Variants in DOP1A observed in about 807,000 individuals in gnomAD.
DOP1A encodes the protein DOP1 leucine zipper like protein A.
In DOP1A, 90 loss-of-function variants were observed where a neutral mutation model predicts 267.6. The ratio of observed to expected loss-of-function variants is 0.34; its 90% CI spans 0.28 to 0.40. The LOEUF (loss-of-function observed/expected upper bound fraction) is 0.40. Ranked by LOEUF, DOP1A falls within the 10% of genes least tolerant of loss-of-function variation. DOP1A has a pLI of 1.00. For missense variants in DOP1A, 2,437 were observed against 2,900.4 expected (o/e 0.84, Z 3.67); for synonymous variants, 932 against 999.1 (o/e 0.93, Z 1.27).
chr6:83,159,562 A>C (rs1274808474), intron 36 of DOP1A, among the ~76,000 whole-genome samples: 3 of 152,062 alleles, frequency 2.0e-5, no homozygotes, highest in Non-Finnish European at 4.4e-5. Context: ...AAATGCTGGG[A>C]TTACAGGCAG....
chr6:83,151,599 G>T lies in DOP1A; in HGVS notation c.5844G>T (p.Leu1948=). ...TTCTCTTTGGCCCTTTTAGGGTTCT[G>T]AATGAGTTTATTATGAAAAACCCTA... ...APGQFLILGV[L]NEFIMKNPSL... Residue 1948 remains leucine, a synonymous_variant, in exon 28 of 39, where the codon CTG becomes CTT. Coordinates refer to ENST00000349129, the MANE Select transcript of DOP1A (RefSeq NM_015018.4). 4 of 1,604,046 alleles carry T rather than the reference G, an allele frequency of 2.5e-6. No individual in the cohort carries two copies. Among genetic ancestry groups the T allele is most frequent in the Non-Finnish European group, 3.4e-6 (4 of 1,177,000 alleles).
intron 10 of DOP1A, 97 bp downstream of exon 10, chr6:83,120,888 G>A (rs939775025): frequency 4.4e-5 from 41 of 926,500 alleles, no homozygotes; most frequent in Non-Finnish European, 5.3e-5. Flanking sequence ...ATATTTTGAG[G>A]TGGCCTTTAA....
Position 83,113,433 on chromosome 6 carries a change from A to G in DOP1A, c.780+12A>G. On this transcript the variant is annotated intron_variant, in intron 7 of 38. Transcript: ENST00000349129. ...TCCACATGAGTCAGGTAAAATATTA[A>G]CGCCGATGTTATTATAAGGCATTCT... The G allele has an allele frequency of 1.2e-6, 2 of 1,604,464 alleles. No individual in the cohort carries two copies. Among genetic ancestry groups the G allele is most frequent in the African/African-American group, 2.7e-5 (2 of 74,878 alleles).
chr6:83,143,146 A>G (rs1045705348), intron 24 of DOP1A, among the ~76,000 whole-genome samples: 7 of 152,166 alleles, frequency 4.6e-5, no homozygotes, highest in African/African-American at 1.7e-4. Flanking sequence ...AGCCAGGCAC[A>G]GTGGCTCATA....
chr6:83,157,111 G>T, intron 34 of DOP1A, 71 bp from the exon 35 acceptor site: 3 of 1,487,900 alleles, frequency 2.0e-6, no homozygotes, highest in South Asian at 1.2e-5. Flanking sequence ...GAGAGTACTG[G>T]ACCGACAATA....
chr6:83,092,771 ACAGT>A (rs1462378392), intron 1 of DOP1A, among the ~76,000 whole-genome samples: 4 of 152,116 alleles, frequency 2.6e-5, no homozygotes, highest in Non-Finnish European at 4.4e-5. Flanking sequence ...TGCTACCACA[ACAGT>A]CAGTCTATAA....
At chr6:83,105,356 C>CTTTTTTTTTTT (rs70987733) in intron 4 of DOP1A, among the ~76,000 whole-genome samples, 2 of 65,940 alleles carry the variant, frequency 3.0e-5, no homozygotes, top group Non-Finnish European at 5.6e-5. Flanking sequence ...GGATGTCTTT[C>CTTTTTTTTTTT]TTTTTTTTTT....
At position 83,091,379 on chromosome 6, in the gene DOP1A, A is replaced by T. The variant is rs149983137; in HGVS notation, c.-146-5352A>T. 3.3e-5 allele frequency among the ~76,000 whole-genome samples: 5 copies of T among 152,200 alleles called. 1 individual carries two copies. The highest frequency in any genetic ancestry group is 1.2e-4 in the African/African-American group (5 of 41,554). ...TCTTCTCATTTTTCAGCAATTTAAG[A>T]TTTTGCTTTTAATATTTTGTTTTAT... On this transcript the variant is annotated intron_variant, in intron 1 of 38. Transcript: ENST00000349129.
downstream of DOP1A, chr6:83,169,223 G>A: frequency 1.7e-5 from 27 of 1,613,846 alleles, no homozygotes; most frequent in Non-Finnish European, 2.1e-5. Context: ...TCAGGAATAT[G>A]AAAATTATCT....
chr6:83,158,007 T>G (rs760960017), intron 35 of DOP1A, among the ~76,000 whole-genome samples: 11 of 152,194 alleles, frequency 7.2e-5, no homozygotes, highest in South Asian at 4.2e-4. Flanking sequence ...TCCTTTTTTT[T>G]TTGTTTTTTG....
chr6:83,102,601 T>C (rs1454694273), intron 4 of DOP1A, among the ~76,000 whole-genome samples: 2 of 152,202 alleles, frequency 1.3e-5, no homozygotes, highest in South Asian at 2.1e-4. Flanking sequence ...GTAAGCATCA[T>C]CTCTAGCTCA....
intron 1 of DOP1A, among the ~76,000 whole-genome samples, chr6:83,092,566 C>T (rs375762581): frequency 5.0e-5 from 6 of 118,980 alleles, no homozygotes; most frequent in Admixed American, 1.8e-4. Context: ...TCCCCCCCCC[C>T]CCACCATATT....
intron 6 of DOP1A, among the ~76,000 whole-genome samples, chr6:83,112,372 A>G (rs1414396464): frequency 6.6e-6 from 1 of 151,964 alleles, no homozygotes; most frequent in African/African-American, 2.4e-5. Context: ...ACAAATATAT[A>G]TATATATATA....
chr6:83,073,279 G>T (rs1339647931), intron 1 of DOP1A: 1 of 158,232 alleles, frequency 6.3e-6, no homozygotes, highest in African/African-American at 2.4e-5. Flanking sequence ...ATAGATACAG[G>T]GTTTCACCAT....
intron 27 of DOP1A, 101 bp downstream of exon 27, chr6:83,148,964 C>T: frequency 1.5e-6 from 1 of 654,254 alleles, no homozygotes; most frequent in Non-Finnish European, 2.4e-6. Context: ...AGTGATCTCT[C>T]TACCTTCTCA....
At position 83,154,242 on chromosome 6, in the gene DOP1A, G is replaced by GT; in HGVS notation, c.6451+2dup. On this transcript the variant is annotated splice_donor_variant, in intron 33 of 38. Transcript: ENST00000349129. LOFTEE classifies it high-confidence loss of function. ...AAAACAACATTTAGAGATTTGATGA[G>GT]TGAGTATTACGGGATGACAATCCAA... is the stretch of plus-strand genomic sequence containing the variant. The GT allele has an allele frequency of 1.9e-6, 3 of 1,612,950 alleles. No homozygotes were observed. The highest frequency in any genetic ancestry group is 2.5e-6 in the Non-Finnish European group (3 of 1,179,260).
intron 25 of DOP1A, among the ~76,000 whole-genome samples, chr6:83,145,969 C>T (rs1272870466): frequency 1.3e-5 from 2 of 152,168 alleles, no homozygotes; most frequent in African/African-American, 4.8e-5. Flanking sequence ...TAAGCCAGAG[C>T]TCAAGATTTG....
At chr6:83,146,253 C>A (rs1429449151) in intron 25 of DOP1A, among the ~76,000 whole-genome samples, 1 of 152,112 alleles carries the variant, frequency 6.6e-6, no homozygotes, top group Non-Finnish European at 1.5e-5. Context: ...TCAAGCAATA[C>A]CAAGAGGTCA....
At chr6:83,150,853 G>A (rs1487387269) in intron 27 of DOP1A, among the ~76,000 whole-genome samples, 1 of 152,018 alleles carries the variant, frequency 6.6e-6, no homozygotes. Flanking sequence ...CAAATAATTA[G>A]TACACAACTC....
Sources: gnomAD v4.1 joint callset for allele counts (sites outside exome capture counted in the v4.1 genomes callset) on GRCh38, gnomAD v4.1.1 for gene constraint, MANE v1.5 for transcripts, NCBI Gene and HGNC (gene_info 2026-07-23, HGNC 2026-07-21) for gene names.